The following ANGPT1 variants were observed in gnomAD, a reference collection of about 807,000 sequenced individuals.
The protein encoded by ANGPT1 is angiopoietin 1, also known as angiopoietin-1.
In ANGPT1, 17 loss-of-function variants were observed where a neutral mutation model predicts 62.2. The observed-to-expected ratio is 0.27, with a 90% CI of 0.19 to 0.41. ANGPT1 has a LOEUF of 0.41. Among genes scored for constraint, ANGPT1 ranks in the 10% least tolerant of loss-of-function variants. ANGPT1 has a pLI of 1.00. For missense variants in ANGPT1, 478 were observed against 594.9 expected (o/e 0.80, Z 2.04); for synonymous variants, 199 against 198.9 (o/e 1.00, Z 0.00).
chr8:107,264,654 C>G (rs1813572521), intron 7 of ANGPT1, among the ~76,000 whole-genome samples: 1 of 152,112 alleles, frequency 6.6e-6, no homozygotes, highest in Admixed American at 6.6e-5. Context: ...ACGCTTTTTA[C>G]AATGTCAATT....
At chr8:107,440,285 T>G (rs967562961) in intron 1 of ANGPT1, among the ~76,000 whole-genome samples, 2 of 152,166 alleles carry the variant, frequency 1.3e-5, no homozygotes, top group African/African-American at 4.8e-5. Context: ...TAATTACATT[T>G]TTTTAAAGTT....
chr8:107,304,540 G>T (rs1257957663), intron 4 of ANGPT1, among the ~76,000 whole-genome samples: 3 of 151,562 alleles, frequency 2.0e-5, no homozygotes, highest in Admixed American at 1.3e-4. Context: ...AATTTTAAAT[G>T]ATCTAAAAAT....
intron 2 of ANGPT1, among the ~76,000 whole-genome samples, chr8:107,336,867 T>G (rs1586236179): frequency 6.6e-6 from 1 of 152,150 alleles, no homozygotes; most frequent in Admixed American, 6.5e-5. Flanking sequence ...CCAATATCTG[T>G]AAGTGCACGT....
intron 1 of ANGPT1, among the ~76,000 whole-genome samples, chr8:107,400,697 C>T (rs1586291333): frequency 1.3e-5 from 2 of 151,750 alleles, no homozygotes; most frequent in South Asian, 4.2e-4. Context: ...GTAGCTGGGA[C>T]TACAGGGGCC....
intron 8 of ANGPT1, among the ~76,000 whole-genome samples, chr8:107,254,326 C>T (rs1813310625): frequency 1.3e-5 from 2 of 152,042 alleles, no homozygotes; most frequent in Non-Finnish European, 1.5e-5. Flanking sequence ...ATACTCAAGA[C>T]AGACATAGTC....
chr8:107,320,204 G>A (rs148409804), intron 4 of ANGPT1, among the ~76,000 whole-genome samples: 43 of 152,188 alleles, frequency 2.8e-4, no homozygotes, highest in African/African-American at 9.9e-4. Context: ...TTGCTTCCCT[G>A]ATATTGCGCC....
intron 1 of ANGPT1, among the ~76,000 whole-genome samples, chr8:107,444,429 C>G (rs1811559680): frequency 3.3e-5 from 5 of 152,160 alleles, no homozygotes; most frequent in African/African-American, 1.2e-4. Context: ...AGTTGGTCAG[C>G]CAATGAAGAA....
chr8:107,346,435 G>A (rs111645118), intron 2 of ANGPT1, among the ~76,000 whole-genome samples: 2 of 152,214 alleles, frequency 1.3e-5, no homozygotes, highest in African/African-American at 2.4e-5. Context: ...TTACTCGTTG[G>A]TACTCAAATA....
chr8:107,357,802 A>G (rs1165090754), intron 1 of ANGPT1, among the ~76,000 whole-genome samples: 2 of 152,198 alleles, frequency 1.3e-5, no homozygotes, highest in Non-Finnish European at 2.9e-5. Context: ...TTTCAGGAAT[A>G]CCATGACTAG....
At chr8:107,379,665 TTG>T (rs1318536065) in intron 1 of ANGPT1, among the ~76,000 whole-genome samples, 4 of 152,198 alleles carry the variant, frequency 2.6e-5, no homozygotes, top group African/African-American at 9.7e-5. Flanking sequence ...TTAGTTTTTA[TTG>T]TGTTATCCAA....
chr8:107,408,484 T>C (rs972485873), intron 1 of ANGPT1, among the ~76,000 whole-genome samples: 2 of 146,440 alleles, frequency 1.4e-5, no homozygotes, highest in Non-Finnish European at 3.0e-5. Context: ...AGAGTCTTCG[T>C]GCTGAAAGTA....
intron 1 of ANGPT1, among the ~76,000 whole-genome samples, chr8:107,367,308 T>C (rs1377758381): frequency 1.3e-5 from 2 of 152,182 alleles, no homozygotes; most frequent in South Asian, 2.1e-4. Context: ...ACAAGGTACA[T>C]ATTTAATTTA....
chr8:107,398,594 TG>T (rs1816983848), intron 1 of ANGPT1, among the ~76,000 whole-genome samples: 1 of 151,132 alleles, frequency 6.6e-6, no homozygotes, highest in African/African-American at 2.4e-5. Flanking sequence ...GTTCTGCTGA[TG>T]GGTCATATAA....
chr8:107,299,650 T>C (rs1814517834), intron 5 of ANGPT1, among the ~76,000 whole-genome samples: 1 of 137,556 alleles, frequency 7.3e-6, no homozygotes, highest in East Asian at 2.2e-4. Flanking sequence ...TAGATATAAA[T>C]ATCTATATAT....
Position 107,424,542 on chromosome 8 carries a change from GA to G in ANGPT1, c.297+72719del, listed in dbSNP as rs200914503. Among the ~76,000 whole-genome samples the G allele has an allele frequency of 7.7e-3, 1,164 of 151,396 alleles. 12 individuals carry two copies. Among genetic ancestry groups the G allele is most frequent in the Non-Finnish European group, 8.4e-3 (569 of 67,826 alleles). ...TAAACCTTCTTTGGTCAATTTCAAA[GA>G]AAAAAAAATTGAATGTGATGGCCAT... On this transcript the variant is annotated intron_variant, in intron 1 of 8. Transcript: ENST00000517746.
intron 1 of ANGPT1, among the ~76,000 whole-genome samples, chr8:107,491,581 T>A (rs1297782737): frequency 6.6e-6 from 1 of 152,040 alleles, no homozygotes; most frequent in Non-Finnish European, 1.5e-5. Context: ...GGGGGAAGAA[T>A]TTTCTGAGCT....
intron 1 of ANGPT1, among the ~76,000 whole-genome samples, chr8:107,435,303 T>C (rs1397235210): frequency 6.6e-6 from 1 of 152,208 alleles, no homozygotes; most frequent in Non-Finnish European, 1.5e-5. Flanking sequence ...TGTGCATGTG[T>C]GAAGGACTTT....
chr8:107,391,174 C>T (rs1248828486), intron 1 of ANGPT1, among the ~76,000 whole-genome samples: 1 of 152,136 alleles, frequency 6.6e-6, no homozygotes, highest in South Asian at 2.1e-4. Context: ...ATCTGTGGCC[C>T]TAAGATGTAT....
chr8:107,491,218 T>C (rs534220941), intron 1 of ANGPT1, among the ~76,000 whole-genome samples: 2 of 151,828 alleles, frequency 1.3e-5, no homozygotes, highest in South Asian at 4.2e-4. Context: ...TCATAGAGCA[T>C]AGTGTCTATG....
Sources: allele counts gnomAD v4.1 joint callset (sites outside exome capture counted in the v4.1 genomes callset), GRCh38; gene constraint gnomAD v4.1.1; transcripts MANE v1.5; gene names NCBI Gene and HGNC (gene_info 2026-07-23, HGNC 2026-07-21).